The following NSMCE1 variants were observed in gnomAD, a reference collection of about 807,000 sequenced individuals.
The protein encoded by NSMCE1 is NSE1 component of SMC5/6 complex, also known as non-structural maintenance of chromosomes element 1 homolog.
In NSMCE1, 18 loss-of-function variants were observed where a neutral mutation model predicts 29.6. The ratio of observed to expected loss-of-function variants is 0.61; its 90% CI spans 0.42 to 0.90. The LOEUF (loss-of-function observed/expected upper bound fraction) is 0.90. NSMCE1 is among the 40% of genes least tolerant of loss of function. The pLI is 0.00. For missense variants in NSMCE1, 314 were observed against 343.6 expected (o/e 0.91, Z 0.68); for synonymous variants, 124 against 133.4 (o/e 0.93, Z 0.49).
chr16:27,257,075 A>G lies in NSMCE1; in HGVS notation c.136+360T>C, dbSNP rs573207273. Among the ~76,000 whole-genome samples the G allele has an allele frequency of 8.8e-4, 134 of 152,188 alleles. 1 individual carries two copies. The highest frequency in any genetic ancestry group is 1.6e-3 in the Non-Finnish European group (111 of 68,004). ...CTGTCTCTGCGCCACTGTCTTGTAC[A>G]TATCATGTCTCTCAATTCCCTGAAC... is the stretch of plus-strand genomic sequence containing the variant. On this transcript the variant is annotated intron_variant, in intron 2 of 7. Transcript: ENST00000361439.
chr16:27,248,405 G>GTT (rs2083980550), intron 2 of NSMCE1, among the ~76,000 whole-genome samples: 1 of 103,650 alleles, frequency 9.6e-6, no homozygotes, highest in African/African-American at 3.8e-5. Context: ...GTTTTAGTTT[G>GTT]CTTTTTTTTT....
chr16:27,250,609 C>T (rs554733372), intron 2 of NSMCE1, among the ~76,000 whole-genome samples: 29 of 151,436 alleles, frequency 1.9e-4, no homozygotes, highest in Non-Finnish European at 3.1e-4. Context: ...CTGGCCAACA[C>T]GGTGAAACCC....
intron 5 of NSMCE1, among the ~76,000 whole-genome samples, chr16:27,231,437 G>A (rs914015852): frequency 6.6e-6 from 1 of 152,202 alleles, no homozygotes; most frequent in Admixed American, 6.5e-5. Context: ...AGGAGTTCGA[G>A]ACCAGCCTGG....
rs370824600 is a variant in NSMCE1, at chr16:27,232,198, C to T, written c.483+803G>A. On this transcript the variant is annotated intron_variant, in intron 5 of 7. Coordinates refer to ENST00000361439, the MANE Select transcript of NSMCE1 (RefSeq NM_145080.4). The surrounding 1 kb of genome is among the most constrained non-coding windows in gnomAD (Gnocchi z 4.5). The stretch of plus-strand genomic sequence containing the variant: ...ACCACCAAGTGAGGAAGCGGGGACC[C>T]GGCGTGAGTGCGTCCTCAACACACA... Among the ~76,000 whole-genome samples the T allele has an allele frequency of 2.4e-4, 37 of 152,302 alleles. 1 individual carries two copies. Among genetic ancestry groups the T allele is most frequent in the African/African-American group, 8.9e-4 (37 of 41,550 alleles).
At position 27,226,834 on chromosome 16, in the gene NSMCE1, C is replaced by A; in HGVS notation, c.486G>T (p.Lys162Asn). Reference sequence around the variant, plus strand: ...GGCCGTGCAGGGTGAACTCCCCTTCCTTCTGCAGGGACACACAGGAGGTGG... The same window carrying A: ...GGCCGTGCAGGGTGAACTCCCCTTCATTCTGCAGGGACACACAGGAGGTGG... The part of the protein sequence containing the change: ...KFVQNKWLIE[K>N]EGEFTLHGRA... The change falls in exon 6 of 8, where the codon AAG becomes AAT. Residue 162 changes from lysine to asparagine, a missense_variant and splice_region_variant. Physicochemically the swap from Lys to Asn is moderately conservative, Grantham distance 94. Transcript: ENST00000361439. 1 of 1,604,052 alleles carries A rather than the reference C, an allele frequency of 6.2e-7. No individual in the cohort carries two copies. Among genetic ancestry groups the A allele is most frequent in the Non-Finnish European group, 8.5e-7 (1 of 1,171,024 alleles).
intron 2 of NSMCE1, among the ~76,000 whole-genome samples, chr16:27,251,267 C>T (rs1225135067): frequency 7.0e-6 from 1 of 143,812 alleles, no homozygotes; most frequent in Non-Finnish European, 1.5e-5. Context: ...CCTATTTATC[C>T]CCTGCTACTT....
Position 27,232,470 on chromosome 16 carries a change from C to T in NSMCE1, c.483+531G>A, listed in dbSNP as rs2083772269. ...AGCACTGGCCCTGAGGAACTCACTG[C>T]TGACAAAAACAACAGTGGTAATGTC... On this transcript the variant is annotated intron_variant, in intron 5 of 7. Transcript: ENST00000361439. This position sits in a 1 kb window ranked among gnomAD's most constrained non-coding sequence, Gnocchi z 4.5. Among the ~76,000 whole-genome samples the T allele has an allele frequency of 6.6e-6, 1 of 152,190 alleles. No individual in the cohort carries two copies. Among genetic ancestry groups the T allele is most frequent in the Admixed American group, 6.5e-5 (1 of 15,282 alleles).
chr16:27,261,459 A>G (rs1318331670), intron 1 of NSMCE1, among the ~76,000 whole-genome samples: 2 of 152,128 alleles, frequency 1.3e-5, no homozygotes, highest in Non-Finnish European at 2.9e-5. Flanking sequence ...TCAATAATTT[A>G]TAATAATCTG....
At chr16:27,231,502 T>C (rs2083761786) in intron 5 of NSMCE1, among the ~76,000 whole-genome samples, 1 of 152,174 alleles carries the variant, frequency 6.6e-6, no homozygotes. Flanking sequence ...CCGGGTGTGA[T>C]GGCGCATGCT....
chr16:27,226,930 G>A, intron 5 of NSMCE1, 94 bp from the exon 6 acceptor site: 1 of 810,870 alleles, frequency 1.2e-6, no homozygotes, highest in East Asian at 2.5e-5. Context: ...CCAGTGCTCA[G>A]GAAGACACAA....
intron 1 of NSMCE1, among the ~76,000 whole-genome samples, chr16:27,265,248 G>C (rs1351134112): frequency 1.5e-5 from 2 of 135,614 alleles, no homozygotes; most frequent in Non-Finnish European, 3.1e-5. Flanking sequence ...GCTCACTGCA[G>C]CCTTGACCTT....
At chr16:27,263,953 T>C (rs1055715344) in intron 1 of NSMCE1, among the ~76,000 whole-genome samples, 9 of 152,182 alleles carry the variant, frequency 5.9e-5, no homozygotes, top group Non-Finnish European at 4.4e-5. Context: ...TGTGTATGTG[T>C]GTGTGTGATT....
Position 27,233,140 on chromosome 16 carries a change from A to G in NSMCE1, c.344T>C (p.Leu115Pro). 1 of 1,611,310 alleles carries G rather than the reference A, an allele frequency of 6.2e-7. No homozygotes were observed. The highest frequency in any genetic ancestry group is 8.5e-7 in the Non-Finnish European group (1 of 1,179,274). The change falls in exon 5 of 8, where the codon CTG becomes CCG. Residue 115 changes from leucine to proline, a missense_variant. Coordinates refer to ENST00000361439, the MANE Select transcript of NSMCE1 (RefSeq NM_145080.4). ...AAAGCCGGTTTCTGAGTCAATAATC[A>G]GTTCCAGCTGGAAGAAAGAGCAGGT... ...ELDLFRKALE[L>P]IIDSETGFAS...
intron 3 of NSMCE1, 86 bp downstream of exon 3, chr16:27,235,092 G>T: frequency 2.2e-6 from 3 of 1,337,430 alleles, no homozygotes; most frequent in Non-Finnish European, 3.1e-6. Flanking sequence ...GTCCAAAAGA[G>T]AAATCAAACC....
At chr16:27,241,783 C>A in intron 2 of NSMCE1, 1 of 442,208 alleles carries the variant, frequency 2.3e-6, no homozygotes, top group Non-Finnish European at 4.5e-6. Context: ...CTACACGCTG[C>A]AGCGCCGCTC....
intron 1 of NSMCE1, among the ~76,000 whole-genome samples, chr16:27,261,385 GA>G (rs58711921): frequency 6.7e-6 from 1 of 150,120 alleles, no homozygotes. Flanking sequence ...AACAATATTT[GA>G]AAAAAAAGGA....
chr16:27,228,219 G>A (rs2083723367), intron 5 of NSMCE1, among the ~76,000 whole-genome samples: 1 of 152,208 alleles, frequency 6.6e-6, no homozygotes, highest in Non-Finnish European at 1.5e-5. Context: ...GGAGCTGGGT[G>A]AGCACAGGAA....
At chr16:27,247,355 T>C (rs1255022836) in intron 2 of NSMCE1, among the ~76,000 whole-genome samples, 2 of 152,196 alleles carry the variant, frequency 1.3e-5, no homozygotes, top group Non-Finnish European at 2.9e-5. Context: ...GAAGGATGTG[T>C]TTGCTTCCCC....
At chr16:27,252,833 C>A (rs139462736) in intron 2 of NSMCE1, among the ~76,000 whole-genome samples, 1 of 152,198 alleles carries the variant, frequency 6.6e-6, no homozygotes, top group South Asian at 2.1e-4. Context: ...GCAGGAGAAT[C>A]GCTTGAACCT....
Sources: allele counts gnomAD v4.1 joint callset (sites outside exome capture counted in the v4.1 genomes callset), GRCh38; gene constraint gnomAD v4.1.1; non-coding constraint Gnocchi (gnomAD v3.1); transcripts MANE v1.5; gene names NCBI Gene and HGNC (gene_info 2026-07-23, HGNC 2026-07-21).